SLIT2: variants seen among roughly 807,000 people sequenced by gnomAD.
SLIT2 encodes slit homolog 2 protein.
A neutral mutation model predicts 185.7 loss-of-function variants in SLIT2; 41 were observed. The observed-to-expected ratio is 0.22, with a 90% CI of 0.17 to 0.29. The LOEUF is 0.29. SLIT2 is among the 10% of genes least tolerant of loss of function. The probability of loss-of-function intolerance (pLI) is 1.00; values close to 1 mark genes in which losing one functional copy is unlikely to be tolerated. For missense variants in SLIT2, 1,571 were observed against 1,909.0 expected (o/e 0.82, Z 3.30); for synonymous variants, 693 against 680.2 (o/e 1.02, Z -0.29).
Position 20,415,129 on chromosome 4 carries a change from T to A in SLIT2, c.396-52623T>A, listed in dbSNP as rs140114601. Among the ~76,000 whole-genome samples the A allele has an allele frequency of 5.9e-5, 9 of 152,258 alleles. No homozygotes were observed. The East Asian group carries it at 1.7e-3, about 29-fold the overall frequency. On this transcript the variant is annotated intron_variant, in intron 4 of 36. Coordinates refer to ENST00000504154, the MANE Select transcript of SLIT2 (RefSeq NM_004787.4). ...TTCAGATAATAAAAAGTCTTTATACTGGCTGTGCGCGGTGGCCCGCGCCTG... is the reference window on the plus strand; with the variant it reads ...TTCAGATAATAAAAAGTCTTTATACAGGCTGTGCGCGGTGGCCCGCGCCTG...
chr4:20,496,504 A>T (rs1367870150), intron 9 of SLIT2, among the ~76,000 whole-genome samples: 1 of 152,210 alleles, frequency 6.6e-6, no homozygotes, highest in Non-Finnish European at 1.5e-5. Context: ...GGTCAGATAA[A>T]GGCTGGTGGT....
intron 4 of SLIT2, among the ~76,000 whole-genome samples, chr4:20,416,565 G>A (rs1469088052): frequency 6.6e-6 from 1 of 151,508 alleles, no homozygotes; most frequent in Non-Finnish European, 1.5e-5. Flanking sequence ...CTCCATTTCA[G>A]GTATTTTTAA....
Position 20,555,072 on chromosome 4 carries a change from T to C in SLIT2, c.2725+1104T>C, listed in dbSNP as rs112838604. Among the ~76,000 whole-genome samples the C allele has an allele frequency of 2.9e-3, 443 of 151,992 alleles. 8 individuals are homozygous for C. The highest frequency in any genetic ancestry group is 0.01 in the African/African-American group (430 of 41,416). On this transcript the variant is annotated intron_variant, in intron 26 of 36. Coordinates refer to ENST00000504154, the MANE Select transcript of SLIT2 (RefSeq NM_004787.4). The stretch of plus-strand genomic sequence containing the variant: ...GTGTGAGCCACCACGCCTGGCCAGA[T>C]TGTGTGTATTTTAAGAAGGTCACTC...
intron 4 of SLIT2, among the ~76,000 whole-genome samples, chr4:20,459,373 T>C (rs1158096082): frequency 6.6e-6 from 1 of 152,198 alleles, no homozygotes; most frequent in Non-Finnish European, 1.5e-5. Flanking sequence ...CATCAGATAT[T>C]ATGCTATCAG....
Position 20,569,152 on chromosome 4 carries a change from G to A in SLIT2, c.3088+148G>A, listed in dbSNP as rs1271696534. The A allele has an allele frequency of 1.3e-5, 9 of 707,030 alleles. No individual in the cohort carries two copies. The Middle Eastern group carries it at 1.6e-3, about 124-fold the overall frequency. 43.8% of individuals were successfully genotyped at this position (707,030 alleles called of 1,614,324 possible). A position where few individuals can be genotyped will look rare whatever the true frequency, so the allele number is the denominator to read the frequency against. ...TCAGATGTAATGTAAATAACATAAGGACTTAAAGATAGTTTCAGCTAACCA... is the reference window on the plus strand; with the variant it reads ...TCAGATGTAATGTAAATAACATAAGAACTTAAAGATAGTTTCAGCTAACCA... On this transcript the variant is annotated intron_variant, in intron 29 of 36. Coordinates refer to ENST00000504154, the MANE Select transcript of SLIT2 (RefSeq NM_004787.4).
At chr4:20,521,163 A>G (rs1013098731) in intron 12 of SLIT2, among the ~76,000 whole-genome samples, 4 of 152,110 alleles carry the variant, frequency 2.6e-5, no homozygotes, top group Admixed American at 1.3e-4. Flanking sequence ...CTTTCCATCC[A>G]CACTTATTGG....
At chr4:20,326,826 T>A (rs936178332) in intron 4 of SLIT2, among the ~76,000 whole-genome samples, 6 of 146,982 alleles carry the variant, frequency 4.1e-5, no homozygotes, top group Non-Finnish European at 4.5e-5. Context: ...TTTCTTAGAA[T>A]GTGTCTTCTT....
intron 4 of SLIT2, among the ~76,000 whole-genome samples, chr4:20,311,595 G>A (rs1718114048): frequency 6.6e-6 from 1 of 151,984 alleles, no homozygotes; most frequent in East Asian, 1.9e-4. Context: ...GTACTACTTT[G>A]GTTTAAAAGT....
At chr4:20,366,309 G>T (rs1723114131) in intron 4 of SLIT2, among the ~76,000 whole-genome samples, 2 of 152,050 alleles carry the variant, frequency 1.3e-5, no homozygotes, top group Non-Finnish European at 2.9e-5. Flanking sequence ...ACAGCTCTTA[G>T]CTTACCTGAC....
At chr4:20,343,366 TTTTTA>T (rs1721120832) in intron 4 of SLIT2, among the ~76,000 whole-genome samples, 2 of 152,334 alleles carry the variant, frequency 1.3e-5, no homozygotes, top group Admixed American at 6.5e-5. Flanking sequence ...ATGATCTCCA[TTTTTA>T]TTTTATTTTA....
chr4:20,418,950 A>AT (rs1394376353), intron 4 of SLIT2, among the ~76,000 whole-genome samples: 1 of 152,146 alleles, frequency 6.6e-6, no homozygotes, highest in Non-Finnish European at 1.5e-5. Context: ...AATTATTGGA[A>AT]TTTTTTAGTG....
chr4:20,435,764 G>A (rs1448590476), intron 4 of SLIT2, among the ~76,000 whole-genome samples: 1 of 152,000 alleles, frequency 6.6e-6, no homozygotes, highest in Non-Finnish European at 1.5e-5. Flanking sequence ...AGTCATAGGT[G>A]TAAGCAAATA....
intron 4 of SLIT2, among the ~76,000 whole-genome samples, chr4:20,345,716 A>C (rs930157042): frequency 6.6e-6 from 1 of 151,088 alleles, no homozygotes; most frequent in Non-Finnish European, 1.5e-5. Flanking sequence ...TTGTATTTTT[A>C]GTAGAGATGG....
chr4:20,329,154 A>G (rs1049669137), intron 4 of SLIT2, among the ~76,000 whole-genome samples: 2 of 151,962 alleles, frequency 1.3e-5, no homozygotes, highest in Non-Finnish European at 2.9e-5. Flanking sequence ...TTCATTCACT[A>G]TATATTATAG....
At chr4:20,582,204 A>C (rs1390974156) in intron 29 of SLIT2, among the ~76,000 whole-genome samples, 1 of 151,994 alleles carries the variant, frequency 6.6e-6, no homozygotes, top group African/African-American at 2.4e-5. Flanking sequence ...CTCACTCCCC[A>C]TCTCTTAGGG....
intron 4 of SLIT2, among the ~76,000 whole-genome samples, chr4:20,432,711 C>T (rs374817682): frequency 6.6e-6 from 1 of 151,774 alleles, no homozygotes; most frequent in Non-Finnish European, 1.5e-5. Flanking sequence ...GAGCTCTTAT[C>T]GGGCATTTTA....
rs1458968927 is a variant in SLIT2 at position 20,392,756 on chromosome 4, C to T, written c.396-74996C>T. 2.0e-5 allele frequency among the ~76,000 whole-genome samples: 3 copies of T among 152,034 alleles called. No homozygotes were observed. In the East Asian group the frequency reaches 5.8e-4, roughly 29 times the overall value. On this transcript the variant is annotated intron_variant, in intron 4 of 36. Transcript: ENST00000504154. ...AAACACATATATTAGCCTAGCCCTA[C>T]ACAGGATCATCAATATCACTGTCTT...
chr4:20,378,231 G>T (rs1024517910), intron 4 of SLIT2, among the ~76,000 whole-genome samples: 4 of 152,090 alleles, frequency 2.6e-5, no homozygotes, highest in African/African-American at 7.2e-5. Flanking sequence ...ACACTGTTTA[G>T]TAACATACAT....
At chr4:20,453,022 G>A (rs1367507130) in intron 4 of SLIT2, among the ~76,000 whole-genome samples, 1 of 152,196 alleles carries the variant, frequency 6.6e-6, no homozygotes, top group African/African-American at 2.4e-5. Flanking sequence ...ATGAAAATGT[G>A]ACTTCAGTTC....
Sources: gnomAD v4.1 joint callset for allele counts (sites outside exome capture counted in the v4.1 genomes callset) on GRCh38, gnomAD v4.1.1 for gene constraint, MANE v1.5 for transcripts, NCBI Gene and HGNC (gene_info 2026-07-23, HGNC 2026-07-21) for gene names.